Variants in ZRANB3 observed in about 807,000 individuals in gnomAD.
The protein encoded by ZRANB3 is zinc finger RANBP2-type containing 3, also known as DNA annealing helicase and endonuclease ZRANB3.
In ZRANB3, 125 loss-of-function variants were observed where a neutral mutation model predicts 133.8. The ratio of observed to expected loss-of-function variants is 0.93; its 90% confidence interval spans 0.81 to 1.08. The LOEUF is 1.08. Among genes scored for constraint, ZRANB3 ranks in the 50% least tolerant of loss-of-function variants. ZRANB3 has a pLI of 0.00. For synonymous variants in ZRANB3, 387 were observed against 432.7 expected, an observed-to-expected ratio of 0.89 and a Z score of 1.31; for missense variants, 1,229 against 1,275.5, an observed-to-expected ratio of 0.96 and a Z score of 0.56.
rs536486091 is a variant in ZRANB3, at chr2:135,424,036, T to A, written c.162-33216A>T. On this transcript the variant is annotated intron_variant, in intron 2 of 20. Coordinates refer to ENST00000264159, the MANE Select transcript of ZRANB3 (RefSeq NM_032143.4). ...AGACATTTAAGAACAGCTAATAACATGAAAGACAGAATGCAAAACTCTGTT... is the reference window on the plus strand; with the variant it reads ...AGACATTTAAGAACAGCTAATAACAAGAAAGACAGAATGCAAAACTCTGTT... 1.5e-3 allele frequency among the ~76,000 whole-genome samples: 229 copies of A among 152,018 alleles called. 1 individual carries two copies. The highest frequency in any genetic ancestry group is 3.4e-3 in the Middle Eastern group (1 of 294).
chr2:135,199,279 T>A lies in ZRANB3; in HGVS notation c.*1063A>T, dbSNP rs1693519174. 1 of 149,830 alleles carries A rather than the reference T, an allele frequency of 6.7e-6. No individual in the cohort carries two copies. The highest frequency in any genetic ancestry group is 1.5e-5 in the Non-Finnish European group (1 of 67,754). 9.3% of individuals were successfully genotyped at this position (149,830 alleles called of 1,614,324 possible). A position where few individuals can be genotyped will look rare whatever the true frequency, so the allele number is the denominator to read the frequency against. ...CAGAAGACAAAGTGTATTTTGATAG[T>A]ACGCTTAGTTTTTTTTTTTGTTTGT... On this transcript the variant is annotated 3_prime_UTR_variant, in exon 21 of 21. Coordinates refer to ENST00000264159, the MANE Select transcript of ZRANB3 (RefSeq NM_032143.4).
chr2:135,423,516 T>C (rs186058147), intron 2 of ZRANB3, among the ~76,000 whole-genome samples: 2 of 152,366 alleles, frequency 1.3e-5, no homozygotes, highest in Non-Finnish European at 2.9e-5. Context: ...TAATCCAGTA[T>C]GGTCTCATCT....
At chr2:135,522,533 C>T (rs987176398) in intron 1 of ZRANB3, among the ~76,000 whole-genome samples, 1 of 152,144 alleles carries the variant, frequency 6.6e-6, no homozygotes, top group Non-Finnish European at 1.5e-5. Context: ...GGCAAGGTAG[C>T]TCACGCCTGT....
At chr2:135,477,931 T>G (rs115342369) in intron 2 of ZRANB3, among the ~76,000 whole-genome samples, 1 of 151,948 alleles carries the variant, frequency 6.6e-6, no homozygotes, top group Admixed American at 6.6e-5. Context: ...GAAGGTTGCA[T>G]TGAGCCATGA....
Position 135,353,474 on chromosome 2 carries a change from A to T in ZRANB3, c.335T>A (p.Val112Asp). Residue 112 changes from valine (V) to aspartate (D), a missense_variant, in exon 4 of 21, where the codon GTT becomes GAT. Transcript: ENST00000264159. ...CCTAACATCAGTTTTATTCTGAATA[A>T]CATTGATTTCTTCTGGACTTAGCTC... is the stretch of plus-strand genomic sequence containing the variant. Reference protein sequence around the residue: ...IPELSPEEINVIQNKTDVRRM... With the variant: ...IPELSPEEINDIQNKTDVRRM... 1 of 1,597,678 alleles carries T rather than the reference A, an allele frequency of 6.3e-7. No individual in the cohort carries two copies. The highest frequency in any genetic ancestry group is 8.5e-7 in the Non-Finnish European group (1 of 1,173,324).
chr2:135,379,040 A>C (rs1686563556), intron 3 of ZRANB3, among the ~76,000 whole-genome samples: 1 of 152,194 alleles, frequency 6.6e-6, no homozygotes, highest in South Asian at 2.1e-4. Context: ...AGTTAATAAT[A>C]ATATATGAAT....
At chr2:135,442,619 A>G (rs1689829493) in intron 2 of ZRANB3, among the ~76,000 whole-genome samples, 1 of 152,182 alleles carries the variant, frequency 6.6e-6, no homozygotes, top group Admixed American at 6.5e-5. Flanking sequence ...TAGTTCAACC[A>G]TTGTGGAAGA....
chr2:135,453,614 C>T (rs1341461677), intron 2 of ZRANB3, among the ~76,000 whole-genome samples: 1 of 152,184 alleles, frequency 6.6e-6, no homozygotes, highest in Non-Finnish European at 1.5e-5. Flanking sequence ...GGCAAAGTGC[C>T]GTCAGTCTCT....
chr2:135,221,015 C>CTTGG, intron 15 of ZRANB3, among the ~76,000 whole-genome samples: 1 of 151,858 alleles, frequency 6.6e-6, no homozygotes, highest in Non-Finnish European at 1.5e-5. Flanking sequence ...TGCCACCATG[C>CTTGG]CCAGATAATT....
intron 2 of ZRANB3, among the ~76,000 whole-genome samples, chr2:135,392,497 C>A (rs1026058086): frequency 1.3e-5 from 2 of 152,030 alleles, no homozygotes; most frequent in African/African-American, 4.8e-5. Flanking sequence ...CGCCTGTAAT[C>A]CCAGCACTTT....
chr2:135,402,593 CT>C (rs58855043), intron 2 of ZRANB3, among the ~76,000 whole-genome samples: 373 of 143,262 alleles, frequency 2.6e-3, no homozygotes, highest in Admixed American at 3.9e-3. Flanking sequence ...TGCACCCAGA[CT>C]TTTTTTTTTT....
chr2:135,278,113 T>C (rs1443250594), intron 8 of ZRANB3, among the ~76,000 whole-genome samples: 1 of 151,618 alleles, frequency 6.6e-6, no homozygotes, highest in Admixed American at 6.6e-5. Flanking sequence ...AAATGAAAAA[T>C]GGAAAAGACC....
chr2:135,442,194 T>C (rs891875081), intron 2 of ZRANB3, among the ~76,000 whole-genome samples: 1 of 151,770 alleles, frequency 6.6e-6, no homozygotes, highest in African/African-American at 2.4e-5. Context: ...AATAGACAAA[T>C]GGGATCTAAT....
chr2:135,486,385 C>T (rs1692122090), intron 2 of ZRANB3, among the ~76,000 whole-genome samples: 1 of 152,198 alleles, frequency 6.6e-6, no homozygotes, highest in South Asian at 2.1e-4. Context: ...TTTGCTCATC[C>T]ATAAGAAGCA....
At position 135,198,383 on chromosome 2, in the gene ZRANB3, G is replaced by A. The variant is rs953733794; in HGVS notation, c.*1959C>T. 1 of 152,256 alleles carries A rather than the reference G, an allele frequency of 6.6e-6. No homozygotes were observed. Among genetic ancestry groups the A allele is most frequent in the Admixed American group, 6.5e-5 (1 of 15,290 alleles). 9.4% of individuals were successfully genotyped at this position (152,256 alleles called of 1,614,324 possible). A position where few individuals can be genotyped will look rare whatever the true frequency, so the allele number is the denominator to read the frequency against. ...GGGAAGGCAGGACACAAAGCTCTGA[G>A]ACATGTCAGGAAGGGATGGGGACGG... On this transcript the variant is annotated 3_prime_UTR_variant, in exon 21 of 21. Coordinates refer to ENST00000264159, the MANE Select transcript of ZRANB3 (RefSeq NM_032143.4).
At chr2:135,397,022 G>A (rs1033810730) in intron 2 of ZRANB3, among the ~76,000 whole-genome samples, 1 of 152,084 alleles carries the variant, frequency 6.6e-6, no homozygotes, top group African/African-American at 2.4e-5. Flanking sequence ...AGCTACTAGG[G>A]ATGCTGAGGC....
chr2:135,281,514 T>C (rs575602988), intron 8 of ZRANB3, among the ~76,000 whole-genome samples: 1 of 152,234 alleles, frequency 6.6e-6, no homozygotes, highest in African/African-American at 2.4e-5. Flanking sequence ...ACAAAGGCAC[T>C]CTTAGGAACA....
At chr2:135,229,720 T>C (rs1350138892) in intron 13 of ZRANB3, among the ~76,000 whole-genome samples, 1 of 152,120 alleles carries the variant, frequency 6.6e-6, no homozygotes, top group East Asian at 1.9e-4. Context: ...GTACAATTAT[T>C]ACAACTGATA....
chr2:135,230,167 T>C (rs1221104387), intron 13 of ZRANB3, among the ~76,000 whole-genome samples: 1 of 152,080 alleles, frequency 6.6e-6, no homozygotes, highest in African/African-American at 2.4e-5. Flanking sequence ...GGAGAGAAAA[T>C]AGAAGGTCTA....
Sources: gnomAD v4.1 joint callset for allele counts (sites outside exome capture counted in the v4.1 genomes callset) on GRCh38, gnomAD v4.1.1 for gene constraint, MANE v1.5 for transcripts, NCBI Gene and HGNC (gene_info 2026-07-23, HGNC 2026-07-21) for gene names.